The following PVT1 variants were observed in gnomAD, a reference collection of about 807,000 sequenced individuals.
PVT1 encodes CXCR4/PVT1 fusion.
chr8:127,848,295 T>C (rs1815058235), intron 2 of PVT1, among the ~76,000 whole-genome samples: 1 of 152,224 alleles, frequency 6.6e-6, no homozygotes, highest in Non-Finnish European at 1.5e-5. Context: ...CATGTGCCTG[T>C]AGTCTCAGCT....
chr8:127,794,590 G>C (rs895246495), exon 1 of PVT1: 1 of 152,434 alleles, frequency 6.6e-6, no homozygotes, highest in Non-Finnish European at 1.5e-5. Context: ...GGGCGGGCTC[G>C]GGGCGGCCGG....
At chr8:127,961,934 G>T (rs1487683199) in intron 3 of PVT1, among the ~76,000 whole-genome samples, 2 of 152,198 alleles carry the variant, frequency 1.3e-5, no homozygotes, top group Admixed American at 1.3e-4. Flanking sequence ...TAGCACCTCT[G>T]CATTCTCCAG....
In PVT1 at chr8:127,817,528, A is replaced by AATATATATATATATATATAT. The variant is rs36101639; in HGVS notation, n.372+21476_372+21477insTATATATATATATATATATA. Reference sequence around the variant, plus strand: ...ATATTTAAATAGATATATCTATTTAAATATATATATATATATATACACACA... The same window carrying AATATATATATATATATATAT: ...ATATTTAAATAGATATATCTATTTAAATATATATATATATATATATATATATATATATATATATACACACA... On this transcript the variant is annotated intron_variant and non_coding_transcript_variant, in intron 2 of 10. Coordinates refer to ENST00000651587, the Ensembl canonical transcript of PVT1. Among the ~76,000 whole-genome samples, 117 of 68,686 alleles carry AATATATATATATATATATAT rather than the reference A, an allele frequency of 1.7e-3. 2 individuals carry two copies. In the East Asian group the frequency reaches 0.034, roughly 20 times the overall value. The allele number at this position is 68,686 out of a possible 152,430, so 45.1% of individuals were successfully genotyped here.
chr8:127,828,774 A>G (rs896711525), intron 2 of PVT1, among the ~76,000 whole-genome samples: 1 of 152,008 alleles, frequency 6.6e-6, no homozygotes, highest in African/African-American at 2.4e-5. Context: ...CCTCGTGGCC[A>G]ATTTGTCTTT....
chr8:127,980,169 A>G (rs1401309705), intron 3 of PVT1, among the ~76,000 whole-genome samples: 1 of 152,142 alleles, frequency 6.6e-6, no homozygotes, highest in East Asian at 1.9e-4. Flanking sequence ...GGTGTGAACC[A>G]CTGTGCCTGG....
chr8:127,929,542 G>A lies in PVT1; in HGVS notation n.782+38544G>A, dbSNP rs556245314. On this transcript the variant is annotated intron_variant and non_coding_transcript_variant, in intron 3 of 10. Transcript: ENST00000651587. ...AACACTTTGGGAGGCCGAGGCAGGC[G>A]GATCACGAGGTCAGGAGATCGAGAC... 4.7e-4 allele frequency among the ~76,000 whole-genome samples: 72 copies of A among 152,228 alleles called. No homozygotes were observed. The Middle Eastern group carries it at 0.01, about 22-fold the overall frequency.
chr8:127,904,061 G>T (rs1815791331), intron 3 of PVT1, among the ~76,000 whole-genome samples: 2 of 152,212 alleles, frequency 1.3e-5, no homozygotes, highest in Admixed American at 1.3e-4. Flanking sequence ...CAATGAGCAT[G>T]AAATGTTTTT....
At chr8:127,894,635 A>G (rs16902454) in intron 3 of PVT1, among the ~76,000 whole-genome samples, 30,593 of 152,248 alleles carry the variant, frequency 0.2, 3,183 homozygotes, top group African/African-American at 0.23. Flanking sequence ...GAAAAAGGCA[A>G]CAATTGGTAT....
Position 127,839,257 on chromosome 8 carries a change from A to C in PVT1, n.372+43186A>C, listed in dbSNP as rs1814945665. ...CTTGGCCCAAGGTCACCCATATAAT[A>C]AAAGGCGGGCTGGGTGCAGTGGCTC... is the stretch of plus-strand genomic sequence containing the variant. On this transcript the variant is annotated intron_variant and non_coding_transcript_variant, in intron 2 of 10. Transcript: ENST00000651587. Among the ~76,000 whole-genome samples the C allele has an allele frequency of 3.3e-5, 5 of 152,152 alleles. No individual in the cohort carries two copies. In the South Asian group the frequency reaches 1.0e-3, roughly 32 times the overall value.
intron 2 of PVT1, among the ~76,000 whole-genome samples, chr8:127,819,008 A>G (rs545760757): frequency 6.6e-6 from 1 of 152,118 alleles, no homozygotes; most frequent in Non-Finnish European, 1.5e-5. Context: ...GGCAAGTGCT[A>G]CCGCTCCTAG....
intron 2 of PVT1, among the ~76,000 whole-genome samples, chr8:127,860,591 C>T (rs541502439): frequency 5.3e-5 from 8 of 151,806 alleles, no homozygotes; most frequent in East Asian, 1.9e-4. Context: ...GGTGAAACCC[C>T]GTCTCTACTA....
intron 4 of PVT1, among the ~76,000 whole-genome samples, chr8:128,015,507 G>A (rs1436763552): frequency 1.3e-5 from 2 of 152,094 alleles, no homozygotes; most frequent in African/African-American, 4.8e-5. Flanking sequence ...TGGGCGCAGT[G>A]GCTCACGTCT....
intron 4 of PVT1, among the ~76,000 whole-genome samples, chr8:128,017,212 C>T (rs964119790): frequency 3.9e-5 from 6 of 152,170 alleles, no homozygotes; most frequent in Non-Finnish European, 5.9e-5. Flanking sequence ...TAAATTCTCT[C>T]ACCCTTGTAT....
At chr8:127,881,269 A>G (rs1284975828) in intron 2 of PVT1, among the ~76,000 whole-genome samples, 1 of 151,820 alleles carries the variant, frequency 6.6e-6, no homozygotes, top group Admixed American at 6.6e-5. Context: ...GACTTTGACT[A>G]TCTGCTTGTG....
chr8:128,002,150 C>G (rs1428123567), intron 4 of PVT1, among the ~76,000 whole-genome samples: 3 of 152,206 alleles, frequency 2.0e-5, no homozygotes, highest in Non-Finnish European at 4.4e-5. Flanking sequence ...CTCAGGAATC[C>G]TTGCTGATTG....
chr8:127,932,773 T>C, intron 3 of PVT1: 1 of 321,112 alleles, frequency 3.1e-6, no homozygotes, highest in South Asian at 1.6e-4. Flanking sequence ...ATAGTAGATA[T>C]ACACATCTCT....
At chr8:127,989,811 A>G (rs1227891457) in intron 4 of PVT1, among the ~76,000 whole-genome samples, 1 of 152,158 alleles carries the variant, frequency 6.6e-6, no homozygotes, top group African/African-American at 2.4e-5. Context: ...TGAGTGCTTC[A>G]GGTAGACTTG....
At chr8:127,804,925 GTCT>G (rs1360636270) in intron 2 of PVT1, among the ~76,000 whole-genome samples, 30 of 139,154 alleles carry the variant, frequency 2.2e-4, no homozygotes, top group African/African-American at 6.6e-4. Context: ...CTTTGTCCAT[GTCT>G]TTTTTTTTTT....
At chr8:127,945,469 TG>T (rs1816408743) in intron 3 of PVT1, among the ~76,000 whole-genome samples, 1 of 152,190 alleles carries the variant, frequency 6.6e-6, no homozygotes, top group Non-Finnish European at 1.5e-5. Flanking sequence ...TTTTGCTTTT[TG>T]CCAGTCTCAT....
Sources: allele counts gnomAD v4.1 joint callset (sites outside exome capture counted in the v4.1 genomes callset), GRCh38; gene constraint gnomAD v4.1.1; transcripts MANE v1.5; gene names NCBI Gene and HGNC (gene_info 2026-07-23, HGNC 2026-07-21).